The following NAT10 variants were observed in gnomAD, a reference collection of about 807,000 sequenced individuals.
NAT10 encodes N-acetyltransferase 10, also known as RNA cytidine acetyltransferase.
In NAT10, 109 loss-of-function variants were observed where a neutral mutation model predicts 132.2. The observed-to-expected ratio is 0.82, with a 90% confidence interval of 0.71 to 0.97. The LOEUF is 0.97. Ranked by LOEUF, NAT10 falls within the 50% of genes least tolerant of loss-of-function variation. The pLI is 0.00. For synonymous variants in NAT10, 479 were observed against 478.0 expected, an observed-to-expected ratio of 1.00 and a Z score of -0.03; for missense variants, 1,184 against 1,263.4, an observed-to-expected ratio of 0.94 and a Z score of 0.95.
Position 34,132,120 on chromosome 11 carries a change from C to A in NAT10, c.1521-5C>A. ...TTTGTTTTGGTTTCTTAACTCCAGA[C>A]CCAGGTACTATGTTAATAGAGATAC... On this transcript the variant is annotated splice_region_variant and splice_polypyrimidine_tract_variant and intron_variant, in intron 14 of 28. Transcript: ENST00000257829. 1 of 1,610,118 alleles carries A rather than the reference C, an allele frequency of 6.2e-7. No individual in the cohort carries two copies. Among genetic ancestry groups the A allele is most frequent in the South Asian group, 1.1e-5 (1 of 90,988 alleles).
At chr11:34,123,673 A>G (rs1358329430) in intron 9 of NAT10, 89 bp from the exon 10 acceptor site, 3 of 1,016,130 alleles carry the variant, frequency 3.0e-6, no homozygotes, top group Non-Finnish European at 4.4e-6. Flanking sequence ...CCTTTGGGAC[A>G]GGAGCAAACA....
Position 34,136,756 on chromosome 11 carries a change from T to C in NAT10, c.2143T>C (p.Leu715=), listed in dbSNP as rs775687571. 7.4e-6 allele frequency: 12 copies of C among 1,614,182 alleles called. No individual in the cohort carries two copies. The East Asian group carries it at 2.0e-4, about 27-fold the overall frequency. ...RLDYLGVSYG[L]TPRLLKFWKR... ...GGATTACCTGGGTGTTTCCTATGGC[T>C]TGACCCCCAGGCTCCTCAAGTAAGT... Residue 715 remains leucine (L), a synonymous_variant, in exon 20 of 29, where the codon TTG becomes CTG. Transcript: ENST00000257829.
chr11:34,112,656 AC>A (rs1488383861), intron 4 of NAT10, among the ~76,000 whole-genome samples: 4 of 152,114 alleles, frequency 2.6e-5, no homozygotes, highest in Non-Finnish European at 4.4e-5. Flanking sequence ...TGGCATACCC[AC>A]CATGAAGGCC....
intron 25 of NAT10, 86 bp from the exon 26 acceptor site, chr11:34,141,633 T>C: frequency 8.4e-7 from 1 of 1,185,380 alleles, no homozygotes. Flanking sequence ...CACACCTTTC[T>C]ATAAGACACC....
intron 6 of NAT10, among the ~76,000 whole-genome samples, 163 bp downstream of exon 6, chr11:34,116,047 G>T (rs1176280954): frequency 2.0e-5 from 3 of 152,226 alleles, no homozygotes; most frequent in African/African-American, 7.2e-5. Flanking sequence ...CTAACTGGAA[G>T]CAGTGAAACG....
intron 2 of NAT10, 40 bp from the exon 3 acceptor site, chr11:34,108,702 T>A: frequency 6.3e-7 from 1 of 1,575,256 alleles, no homozygotes; most frequent in Non-Finnish European, 8.7e-7. Context: ...CTCTAAAGTC[T>A]CTTTTGTGCC....
rs754926809 is a variant in NAT10 at position 34,124,399 on chromosome 11, AG to A, written c.1107+1del. ...TTTCGAGAACACAGGCAGACTATTC[AG>A]GTGAGGCTTGTTCTCAGACCCTGAT... is the stretch of plus-strand genomic sequence containing the variant. ...NVFREHRQTI[Q>X]YIHPADAVKL... On this transcript the variant is annotated frameshift_variant and splice_region_variant, in exon 11 of 29. Transcript: ENST00000257829. LOFTEE classifies it high-confidence loss of function. The A allele has an allele frequency of 1.2e-6, 2 of 1,611,802 alleles. No homozygotes were observed. The highest frequency in any genetic ancestry group is 2.2e-5 in the South Asian group (2 of 90,902).
intron 12 of NAT10, 47 bp from the exon 13 acceptor site, chr11:34,130,766 A>G (rs774410831): frequency 5.6e-6 from 9 of 1,610,804 alleles, no homozygotes; most frequent in Admixed American, 1.7e-5. Context: ...CCTCCTAGAC[A>G]GTGGATTTGG....
intron 14 of NAT10, among the ~76,000 whole-genome samples, chr11:34,131,774 C>T (rs552907352): frequency 1.8e-4 from 27 of 151,314 alleles, no homozygotes; most frequent in Admixed American, 1.1e-3. Context: ...CAACCTCTGC[C>T]TCCCGGGTTC....
Position 34,122,440 on chromosome 11 carries a change from T to G in NAT10, c.781-19T>G, listed in dbSNP as rs369179275. The G allele has an allele frequency of 4.8e-5, 78 of 1,614,058 alleles. 1 individual carries two copies. The African/African-American group carries it at 9.2e-4, about 19-fold the overall frequency. On this transcript the variant is annotated intron_variant, in intron 8 of 28. Transcript: ENST00000257829. ...TGGGTCTTTCTTGGAGTTCACCTAA[T>G]ATGTTTCTGTTTCCACAGGCCAAAG... is the stretch of plus-strand genomic sequence containing the variant.
rs758446729 is a variant in NAT10, at chr11:34,133,056, G to A, written c.1648G>A (p.Asp550Asn). The change falls in exon 16 of 29, where the codon GAT (aspartate) becomes AAT (asparagine). Residue 550 changes from aspartate to asparagine, a missense_variant. Coordinates refer to ENST00000257829, the MANE Select transcript of NAT10 (RefSeq NM_024662.3). ...TCCCAATGATCTCCAGATGCTCTCC[G>A]ATGCACCTGCTCACCATCTCTTCTG... is the stretch of plus-strand genomic sequence containing the variant. ...NSPNDLQMLS[D>N]APAHHLFCLL... 2.5e-6 allele frequency: 4 copies of A among 1,613,984 alleles called. No individual in the cohort carries two copies. The highest frequency in any genetic ancestry group is 2.2e-5 in the South Asian group (2 of 91,086).
At chr11:34,140,983 C>G (rs1470000764) in intron 24 of NAT10, 106 bp from the exon 25 acceptor site, 1 of 1,487,906 alleles carries the variant, frequency 6.7e-7, no homozygotes, top group African/African-American at 1.4e-5. Context: ...GCTAGTCTAC[C>G]TTTGTACCAA....
At chr11:34,141,578 T>C in intron 25 of NAT10, 141 bp from the exon 26 acceptor site, 1 of 731,186 alleles carries the variant, frequency 1.4e-6, no homozygotes, top group Non-Finnish European at 2.2e-6. Flanking sequence ...CCCGCTAATA[T>C]CCACATTCCT....
rs1318027526 is a variant in NAT10 at position 34,143,431 on chromosome 11, C to T, written c.2886-14C>T. 4 of 1,611,778 alleles carry T rather than the reference C, an allele frequency of 2.5e-6. No homozygotes were observed. Among genetic ancestry groups the T allele is most frequent in the Non-Finnish European group, 3.4e-6 (4 of 1,178,760 alleles). ...CTTTCTAGCAGGCTTTGATAGTTCC[C>T]TTCTTTTTTTTAGATACATAATCCG... On this transcript the variant is annotated splice_polypyrimidine_tract_variant and intron_variant, in intron 27 of 28. Transcript: ENST00000257829.
rs902319331 is a variant in NAT10, at chr11:34,118,465, G to A, written c.742G>A (p.Val248Met). 7.4e-6 allele frequency: 12 copies of A among 1,614,004 alleles called. No homozygotes were observed. Among genetic ancestry groups the A allele is most frequent in the Non-Finnish European group, 9.3e-6 (11 of 1,179,994 alleles). Residue 248 changes from valine to methionine, a missense_variant, in exon 8 of 29, where the codon GTG (valine) becomes ATG (methionine). Transcript: ENST00000257829. ...LKESLQDTQP[V>M]GVLVDCCKTL... The stretch of plus-strand genomic sequence containing the variant: ...GGAGAGCTTGCAGGACACCCAGCCT[G>A]TGGGTGTGTTGGTGGACTGCTGTAA...
At chr11:34,133,721 T>C (rs1852150079) in intron 16 of NAT10, among the ~76,000 whole-genome samples, 1 of 152,220 alleles carries the variant, frequency 6.6e-6, no homozygotes, top group Admixed American at 6.5e-5. Context: ...CTCATGAGCA[T>C]CCTGTGTCTT....
chr11:34,120,185 C>G (rs1449214296), intron 8 of NAT10, among the ~76,000 whole-genome samples: 1 of 51,398 alleles, frequency 1.9e-5, no homozygotes, highest in Non-Finnish European at 3.7e-5. Context: ...CTGCTTATTT[C>G]CTCTGCCCAC....
At chr11:34,122,678 A>C in intron 9 of NAT10, 86 bp downstream of exon 9, 28 of 1,535,578 alleles carry the variant, frequency 1.8e-5, no homozygotes, top group Non-Finnish European at 2.5e-5. Flanking sequence ...CTGGTATCTC[A>C]CGTTCCTAGT....
intron 6 of NAT10, among the ~76,000 whole-genome samples, chr11:34,117,457 A>G (rs1851801303): frequency 6.6e-6 from 1 of 152,156 alleles, no homozygotes; most frequent in Non-Finnish European, 1.5e-5. Flanking sequence ...CTCCACACCA[A>G]AGAATTATCT....
Sources: allele counts gnomAD v4.1 joint callset (sites outside exome capture counted in the v4.1 genomes callset), GRCh38; gene constraint gnomAD v4.1.1; transcripts MANE v1.5; gene names NCBI Gene and HGNC (gene_info 2026-07-23, HGNC 2026-07-21).